The following RIN2 variants were observed in gnomAD, a reference collection of about 807,000 sequenced individuals.
RIN2 encodes the protein RAB5 interacting protein 2.
A neutral mutation model predicts 78.0 loss-of-function variants in RIN2; 36 were observed. The ratio of observed to expected loss-of-function variants is 0.46; its 90% CI spans 0.35 to 0.61. The LOEUF is 0.61. Among genes scored for constraint, RIN2 ranks in the 20% least tolerant of loss-of-function variants. The pLI is 0.00. For synonymous variants in RIN2, 466 were observed against 466.8 expected, an observed-to-expected ratio of 1.00 and a Z score of 0.02; for missense variants, 1,087 against 1,159.7, an observed-to-expected ratio of 0.94 and a Z score of 0.91.
At chr20:19,851,143 C>T (rs2036969195) in intron 2 of RIN2, among the ~76,000 whole-genome samples, 1 of 152,104 alleles carries the variant, frequency 6.6e-6, no homozygotes, top group South Asian at 2.1e-4. Context: ...GCCTAACCTG[C>T]AGTCTGACAC....
At chr20:19,812,859 G>A (rs994310347) in intron 2 of RIN2, among the ~76,000 whole-genome samples, 1 of 152,240 alleles carries the variant, frequency 6.6e-6, no homozygotes, top group Non-Finnish European at 1.5e-5. Context: ...AAAATGTCCA[G>A]ATGTTGGGTA....
chr20:19,991,156 G>A (rs903449142), intron 10 of RIN2, among the ~76,000 whole-genome samples: 6 of 152,196 alleles, frequency 3.9e-5, no homozygotes, highest in Non-Finnish European at 8.8e-5. Flanking sequence ...TGCTTGAGTA[G>A]ACAGGAATGT....
chr20:19,896,027 T>C (rs1188598633), intron 3 of RIN2: 1 of 152,212 alleles, frequency 6.6e-6, no homozygotes, highest in Non-Finnish European at 1.5e-5. Context: ...TTCCCAGTAA[T>C]GGAGTTTTCA....
intron 1 of RIN2, among the ~76,000 whole-genome samples, chr20:19,785,494 G>T (rs1214597151): frequency 6.6e-6 from 1 of 152,176 alleles, no homozygotes; most frequent in Non-Finnish European, 1.5e-5. Context: ...ATGCTTTTGT[G>T]CTGCCAGGCA....
chr20:19,895,796 A>G (rs1488015255), intron 3 of RIN2: 1 of 152,264 alleles, frequency 6.6e-6, no homozygotes, highest in Admixed American at 6.5e-5. Flanking sequence ...CACAAAGACT[A>G]GACCTGCGAC....
At chr20:19,928,643 G>A (rs1311357682) in intron 3 of RIN2, among the ~76,000 whole-genome samples, 3 of 152,204 alleles carry the variant, frequency 2.0e-5, no homozygotes, top group African/African-American at 7.2e-5. Context: ...GCCTTCTCCA[G>A]TTATTCTCTT....
intron 2 of RIN2, among the ~76,000 whole-genome samples, chr20:19,885,312 A>T (rs4814920): frequency 0.82 from 125,312 of 152,136 alleles, 51,715 homozygotes; most frequent in East Asian, 0.94. Context: ...GAAGGAGGAA[A>T]AAGTCCAAGA....
At chr20:19,795,321 T>C (rs2035020776) in intron 1 of RIN2, among the ~76,000 whole-genome samples, 1 of 152,236 alleles carries the variant, frequency 6.6e-6, no homozygotes, top group South Asian at 2.1e-4. Flanking sequence ...GTCATACATA[T>C]TCAGTGCAAA....
chr20:19,760,882 G>T (rs1170781718), intron 1 of RIN2, among the ~76,000 whole-genome samples: 3 of 152,086 alleles, frequency 2.0e-5, no homozygotes, highest in African/African-American at 4.8e-5. Context: ...AGAATTCCTT[G>T]TGTGTGTGTA....
chr20:19,934,843 C>G (rs1446642298), intron 3 of RIN2, among the ~76,000 whole-genome samples: 1 of 151,850 alleles, frequency 6.6e-6, no homozygotes. Flanking sequence ...ACCTAACAAA[C>G]TGGGTGTCAT....
Position 19,974,952 on chromosome 20 carries a change from C to A in RIN2, c.927C>A (p.Pro309=). The change falls in exon 9 of 13, where the codon CCC becomes CCA. Residue 309 remains proline, a synonymous_variant. Coordinates refer to ENST00000255006, the MANE Select transcript of RIN2 (RefSeq NM_018993.4). The part of the protein sequence containing the change: ...NGTERTRSPP[P]RPPPPAINSL... ...CGGAGCGGACTCGGTCCCCCCCACC[C>A]AGGCCCCCGCCACCCGCTATTAATA... 3 of 1,569,512 alleles carry A rather than the reference C, an allele frequency of 1.9e-6. No homozygotes were observed. Among genetic ancestry groups the A allele is most frequent in the Non-Finnish European group, 2.6e-6 (3 of 1,140,730 alleles).
chr20:19,992,508 G>A (rs2042826434), intron 11 of RIN2, among the ~76,000 whole-genome samples: 1 of 152,136 alleles, frequency 6.6e-6, no homozygotes, highest in African/African-American at 2.4e-5. Context: ...CACCCATGAA[G>A]CAGTTACTTG....
chr20:19,880,934 ACT>A, intron 2 of RIN2, among the ~76,000 whole-genome samples: 1 of 152,342 alleles, frequency 6.6e-6, no homozygotes, highest in South Asian at 2.1e-4. Flanking sequence ...GCTTCCTTTA[ACT>A]ATTCCCGATG....
chr20:19,860,825 A>G (rs1056823922), intron 2 of RIN2, among the ~76,000 whole-genome samples: 3 of 152,174 alleles, frequency 2.0e-5, no homozygotes, highest in African/African-American at 4.8e-5. Context: ...CAGAAACCAA[A>G]CTCTGATTCA....
intron 2 of RIN2, among the ~76,000 whole-genome samples, chr20:19,830,358 A>C (rs2036215622): frequency 6.6e-6 from 1 of 152,090 alleles, no homozygotes; most frequent in African/African-American, 2.4e-5. Context: ...ATGACCTTAG[A>C]ATCCTTTCTT....
chr20:19,917,852 G>A (rs765091494), intron 3 of RIN2, among the ~76,000 whole-genome samples: 1 of 152,210 alleles, frequency 6.6e-6, no homozygotes, highest in Non-Finnish European at 1.5e-5. Context: ...ACAGCTGTTT[G>A]ACATTTAGCA....
chr20:19,864,626 A>C (rs1484748543), intron 2 of RIN2, among the ~76,000 whole-genome samples: 2 of 152,182 alleles, frequency 1.3e-5, no homozygotes, highest in African/African-American at 2.4e-5. Flanking sequence ...ACATATAAGG[A>C]GCGTGGGGTT....
intron 4 of RIN2, among the ~76,000 whole-genome samples, chr20:19,943,540 A>G (rs1196319678): frequency 6.6e-6 from 1 of 152,166 alleles, no homozygotes; most frequent in Non-Finnish European, 1.5e-5. Flanking sequence ...TGTAACCCCA[A>G]ATATGCTAGT....
chr20:19,847,329 C>T (rs2036817795), intron 2 of RIN2, among the ~76,000 whole-genome samples: 1 of 152,226 alleles, frequency 6.6e-6, no homozygotes, highest in African/African-American at 2.4e-5. Context: ...GTTTAGGCCA[C>T]AGTTCCTTAC....
Sources: gnomAD v4.1 joint callset for allele counts (sites outside exome capture counted in the v4.1 genomes callset) on GRCh38, gnomAD v4.1.1 for gene constraint, MANE v1.5 for transcripts, NCBI Gene and HGNC (gene_info 2026-07-23, HGNC 2026-07-21) for gene names.